WAC: variants seen among roughly 807,000 people sequenced by gnomAD.
WAC encodes WW domain containing adaptor with coiled-coil, also known as WW domain-containing adapter protein with coiled-coil.
Under a neutral mutation model 79.6 loss-of-function variants are expected in WAC, and 11 were observed. The observed-to-expected ratio is 0.14, with a 90% CI of 0.09 to 0.23. WAC has a LOEUF of 0.23. Among genes scored for constraint, WAC ranks in the 10% least tolerant of loss-of-function variants. The pLI, the probability that WAC is intolerant of heterozygous loss-of-function variation, is 1.00. For synonymous variants in WAC, 304 were observed against 276.9 expected (o/e 1.10, Z -0.97); for missense variants, 728 against 773.5 (o/e 0.94, Z 0.70).
intron 6 of WAC, chr10:28,591,897 A>G (rs968531793): frequency 9.9e-5 from 15 of 151,726 alleles, no homozygotes; most frequent in African/African-American, 3.6e-4. Context: ...TCCTTTTGCA[A>G]TTTTGAGAAG....
Position 28,611,785 on chromosome 10 carries a change from A to G in WAC, c.1300A>G (p.Asn434Asp). 6.2e-7 allele frequency: 1 copy of G among 1,612,606 alleles called. No homozygotes were observed. The highest frequency in any genetic ancestry group is 8.5e-7 in the Non-Finnish European group (1 of 1,179,686). The change falls in exon 10 of 14, where the codon AAT becomes GAT. Residue 434 changes from asparagine (N) to aspartate (D), a missense_variant. Around this residue, in one of 3 missense-constraint regions of WAC, gnomAD observed 648 missense variants for 661.5 expected, o/e 0.98. Transcript: ENST00000354911. ...AQLSTQAQPS[N>D]QSPMSLTSDA... ...TCCCTCTTTTACAGCCCAGCCATCT[A>G]ATCAGTCTCCGATGTCTTTAACATC...
At chr10:28,544,042 C>T (rs1156844826) in intron 3 of WAC, among the ~76,000 whole-genome samples, 2 of 152,112 alleles carry the variant, frequency 1.3e-5, no homozygotes, top group East Asian at 3.9e-4. Flanking sequence ...ACTGCCACGC[C>T]CAGCTAATTT....
intron 3 of WAC, among the ~76,000 whole-genome samples, chr10:28,553,167 T>C (rs1158399088): frequency 2.0e-5 from 3 of 152,202 alleles, no homozygotes; most frequent in Non-Finnish European, 4.4e-5. Flanking sequence ...TTTATTAGGT[T>C]TAAATTGAGA....
intron 3 of WAC, among the ~76,000 whole-genome samples, chr10:28,566,045 A>G (rs1291057812): frequency 6.6e-6 from 1 of 152,234 alleles, no homozygotes; most frequent in Non-Finnish European, 1.5e-5. Flanking sequence ...AGTAAAATAT[A>G]GTACTGAAGG....
rs764934182 is a variant in WAC at position 28,556,388 on chromosome 10, A to ATTTTTTTTTTTTTTTTTT, written c.274+20641_274+20658dup. 5.8e-4 allele frequency among the ~76,000 whole-genome samples: 32 copies of ATTTTTTTTTTTTTTTTTT among 55,090 alleles called. 7 individuals carry two copies. The highest frequency in any genetic ancestry group is 9.1e-4 in the Non-Finnish European group (27 of 29,686). 36.1% of individuals were successfully genotyped at this position (55,090 alleles called of 152,430 possible). On this transcript the variant is annotated intron_variant, in intron 3 of 13. Coordinates refer to ENST00000354911, the MANE Select transcript of WAC (RefSeq NM_016628.5). ...TAGATTCAATTTCGTTGCCCATTAA[A>ATTTTTTTTTTTTTTTTTT]TTTTTTTTTTTTTTTTTTTTTTTTT...
intron 3 of WAC, among the ~76,000 whole-genome samples, chr10:28,548,087 A>AT (rs958390902): frequency 2.7e-4 from 41 of 150,370 alleles, no homozygotes; most frequent in Admixed American, 2.2e-3. Context: ...TGCCTGGCTA[A>AT]TTTTTTTTTA....
At chr10:28,581,957 T>C (rs1354533699) in intron 3 of WAC, among the ~76,000 whole-genome samples, 3 of 152,236 alleles carry the variant, frequency 2.0e-5, no homozygotes, top group Non-Finnish European at 1.5e-5. Flanking sequence ...TAGAATACTG[T>C]ACAGCAAGAT....
chr10:28,547,962 T>A (rs115911739), intron 3 of WAC, among the ~76,000 whole-genome samples: 17 of 149,892 alleles, frequency 1.1e-4, no homozygotes, highest in Non-Finnish European at 7.4e-5. Context: ...CTCTTGTTGC[T>A]GAACCTGGAG....
At chr10:28,541,410 TGTGTG>T (rs1253882545) in intron 3 of WAC, among the ~76,000 whole-genome samples, 5 of 87,398 alleles carry the variant, frequency 5.7e-5, no homozygotes, top group African/African-American at 1.5e-4. Flanking sequence ...GTTGTGTGTG[TGTGTG>T]TTTTGTTTTT....
chr10:28,575,689 G>A (rs766355543), intron 3 of WAC, among the ~76,000 whole-genome samples: 2 of 152,132 alleles, frequency 1.3e-5, no homozygotes, highest in Non-Finnish European at 1.5e-5. Flanking sequence ...TTTTTATTGA[G>A]CTGTGGAGTT....
At chr10:28,589,990 C>A in intron 5 of WAC, 139 bp downstream of exon 5, 1 of 614,936 alleles carries the variant, frequency 1.6e-6, no homozygotes, top group South Asian at 2.2e-5. Context: ...GGTTGGTTGC[C>A]CCTTCGTGTT....
chr10:28,582,613 G>GA (rs1839595131), intron 3 of WAC, among the ~76,000 whole-genome samples: 1 of 152,092 alleles, frequency 6.6e-6, no homozygotes, highest in Non-Finnish European at 1.5e-5. Context: ...CTTTGTTGCT[G>GA]AAAAATCTAG....
At chr10:28,615,496 T>G (rs1671491219) in intron 11 of WAC, 1 of 152,236 alleles carries the variant, frequency 6.6e-6, no homozygotes, top group African/African-American at 2.4e-5. Flanking sequence ...TCCTCAGTGA[T>G]GAAAACTCTT....
intron 3 of WAC, among the ~76,000 whole-genome samples, chr10:28,572,428 A>T (rs953622823): frequency 4.6e-5 from 7 of 151,706 alleles, no homozygotes; most frequent in Non-Finnish European, 1.0e-4. Flanking sequence ...TTTTCTGAGG[A>T]TGTGACATTT....
chr10:28,584,331 A>T (rs1289501861), intron 4 of WAC, among the ~76,000 whole-genome samples: 1 of 152,228 alleles, frequency 6.6e-6, no homozygotes, highest in African/African-American at 2.4e-5. Flanking sequence ...GCTTGCAACG[A>T]TGTAGAAGTG....
chr10:28,582,632 A>C (rs988834527), intron 3 of WAC, among the ~76,000 whole-genome samples: 1 of 152,200 alleles, frequency 6.6e-6, no homozygotes. Context: ...AGAATTAAGG[A>C]ATGATATTGA....
chr10:28,595,791 A>G lies in WAC; in HGVS notation c.669A>G (p.Gln223=). The change falls in exon 7 of 14, where the codon CAA becomes CAG. Residue 223 remains glutamine (Q), a synonymous_variant. Transcript: ENST00000354911. ...TGCTCCCACAGAATATTTTGTCTCA[A>G]ACAAGCAGACACAATGACAGAGACT... ...SSLLPQNILS[Q]TSRHNDRDYR... 2.5e-6 allele frequency: 4 copies of G among 1,614,110 alleles called. No homozygotes were observed. Among genetic ancestry groups the G allele is most frequent in the Middle Eastern group, 1.6e-4 (1 of 6,062 alleles).
intron 3 of WAC, among the ~76,000 whole-genome samples, chr10:28,556,507 T>A (rs182587531): frequency 6.6e-5 from 10 of 151,208 alleles, no homozygotes; most frequent in African/African-American, 2.4e-4. Context: ...TTTTGTAGGT[T>A]GTTTTTTCGT....
At chr10:28,583,903 T>A (rs1304671129) in intron 4 of WAC, among the ~76,000 whole-genome samples, 2 of 152,302 alleles carry the variant, frequency 1.3e-5, no homozygotes, top group Admixed American at 6.5e-5. Context: ...TCTTACACAC[T>A]CTCCCAGACG....
Sources: allele counts gnomAD v4.1 joint callset (sites outside exome capture counted in the v4.1 genomes callset), GRCh38; gene constraint gnomAD v4.1.1; regional missense constraint gnomAD v4.1.1; transcripts MANE v1.5; gene names NCBI Gene and HGNC (gene_info 2026-07-23, HGNC 2026-07-21).